The following ATR variants were observed in gnomAD, a reference collection of about 807,000 sequenced individuals.
The protein encoded by ATR is serine/threonine-protein kinase ATR.
In ATR, 142 loss-of-function variants were observed where a neutral mutation model predicts 305.3. That is an observed-to-expected ratio of 0.47 (90% CI 0.41 to 0.53). The LOEUF (loss-of-function observed/expected upper bound fraction) is 0.53. ATR is among the 20% of genes least tolerant of loss of function. The probability of loss-of-function intolerance (pLI) is 0.00; values close to 1 mark genes in which losing one functional copy is unlikely to be tolerated. For missense variants in ATR, 2,135 were observed against 3,133.1 expected, an observed-to-expected ratio of 0.68 and a Z score of 7.60; for synonymous variants, 1,050 against 1,068.1, an observed-to-expected ratio of 0.98 and a Z score of 0.33.
At position 142,465,191 on chromosome 3, in the gene ATR, C is replaced by A; in HGVS notation, c.6947G>T (p.Gly2316Val). 1 of 1,609,760 alleles carries A rather than the reference C, an allele frequency of 6.2e-7. No individual in the cohort carries two copies. Among genetic ancestry groups the A allele is most frequent in the East Asian group, 2.2e-5 (1 of 44,648 alleles). The part of the protein sequence containing the change: ...LQKPKKISLK[G>V]SDGKFYIMMC... ...CATGATGTAGAACTTTCCATCTGAG[C>A]CTTTTAAAGAAATCTTCTTTGGTTT... is the stretch of plus-strand genomic sequence containing the variant. Residue 2316 changes from glycine to valine, a missense_variant, in exon 41 of 47, where the codon GGC becomes GTC. Gly to Val is a moderately radical substitution (Grantham distance 109, BLOSUM62 -3). Coordinates refer to ENST00000350721, the MANE Select transcript of ATR (RefSeq NM_001184.4).
chr3:142,573,385 T>C (rs1032706275), intron 1 of ATR, among the ~76,000 whole-genome samples: 3 of 137,014 alleles, frequency 2.2e-5, no homozygotes, highest in Admixed American at 8.3e-5. Flanking sequence ...GACATGGAGG[T>C]GGAGGTTGCA....
Position 142,488,471 on chromosome 3 carries a change from C to T in ATR, c.6079-3189G>A, listed in dbSNP as rs77147770. Among the ~76,000 whole-genome samples, 87 of 152,254 alleles carry T rather than the reference C, an allele frequency of 5.7e-4. 1 individual carries two copies. The East Asian group carries it at 0.016, about 28-fold the overall frequency. On this transcript the variant is annotated intron_variant, in intron 35 of 46. Coordinates refer to ENST00000350721, the MANE Select transcript of ATR (RefSeq NM_001184.4). ...AGAGCATCTCAGATAGATTGGAGGT[C>T]ACTAAGGAGATATGACAACTAATGC...
At chr3:142,457,334 T>C (rs2070928816) in intron 45 of ATR, among the ~76,000 whole-genome samples, 1 of 152,132 alleles carries the variant, frequency 6.6e-6, no homozygotes, top group African/African-American at 2.4e-5. Flanking sequence ...TGCTAATGCC[T>C]ACGGAATTTC....
intron 1 of ATR, 117 bp downstream of exon 1, chr3:142,578,529 C>A (rs2035514390): frequency 1.6e-6 from 2 of 1,221,300 alleles, no homozygotes; most frequent in Admixed American, 5.1e-5. Flanking sequence ...TCCACAAGGG[C>A]CGCAGCGGGG....
At chr3:142,551,931 G>A (rs1047184907) in intron 13 of ATR, among the ~76,000 whole-genome samples, 1 of 152,020 alleles carries the variant, frequency 6.6e-6, no homozygotes, top group Non-Finnish European at 1.5e-5. Context: ...ATCTGACAGA[G>A]GTCTAATATC....
At chr3:142,523,000 C>T (rs2033211827) in intron 22 of ATR, among the ~76,000 whole-genome samples, 159 bp from the exon 23 acceptor site, 2 of 152,212 alleles carry the variant, frequency 1.3e-5, no homozygotes, top group Admixed American at 1.3e-4. Context: ...GGTATCAAGA[C>T]TACAATATAA....
chr3:142,517,363 AAC>A, intron 24 of ATR, among the ~76,000 whole-genome samples: 1 of 151,712 alleles, frequency 6.6e-6, no homozygotes, highest in East Asian at 1.9e-4. Flanking sequence ...AAAAAAAAAA[AAC>A]ATAAAGTAGG....
chr3:142,483,313 G>A (rs1183711736), intron 36 of ATR, among the ~76,000 whole-genome samples: 1 of 150,912 alleles, frequency 6.6e-6, no homozygotes, highest in Non-Finnish European at 1.5e-5. Flanking sequence ...AGAATGTATG[G>A]AATGATATTG....
At chr3:142,496,845 T>C (rs1304013298) in intron 33 of ATR, among the ~76,000 whole-genome samples, 168 bp downstream of exon 33, 1 of 152,178 alleles carries the variant, frequency 6.6e-6, no homozygotes, top group Non-Finnish European at 1.5e-5. Flanking sequence ...TGTCTAAAAG[T>C]GATTCTTAAG....
chr3:142,478,885 T>A (rs1187295905), intron 36 of ATR, among the ~76,000 whole-genome samples: 1 of 152,182 alleles, frequency 6.6e-6, no homozygotes, highest in Non-Finnish European at 1.5e-5. Context: ...GTTTAAAGTC[T>A]GTTTTATCAG....
At position 142,562,239 on chromosome 3, in the gene ATR, T is replaced by C; in HGVS notation, c.1163A>G (p.Asp388Gly). Residue 388 changes from aspartate (D) to glycine (G), a missense_variant, in exon 4 of 47, where the codon GAT becomes GGT. By Grantham distance (94) the Asp-to-Gly change is moderately conservative (BLOSUM62 -1). Around this residue, in one of 9 missense-constraint regions of ATR, gnomAD observed 744 missense variants for 873.2 expected, o/e 0.85. Coordinates refer to ENST00000350721, the MANE Select transcript of ATR (RefSeq NM_001184.4). ...ACCTGAAAAATTACTTACCTCTGCA[T>C]CTACCTCAATTCCAAGCACATCCAA... is the stretch of plus-strand genomic sequence containing the variant. Reference protein sequence around the residue: ...ALLDVLGIEVDAEYLLGPLYA... With the variant: ...ALLDVLGIEVGAEYLLGPLYA... The C allele has an allele frequency of 2.5e-6, 4 of 1,614,086 alleles. No individual in the cohort carries two copies. Among genetic ancestry groups the C allele is most frequent in the Non-Finnish European group, 3.4e-6 (4 of 1,179,962 alleles).
chr3:142,552,526 C>T (rs1243452165), intron 13 of ATR, among the ~76,000 whole-genome samples: 1 of 151,796 alleles, frequency 6.6e-6, no homozygotes, highest in Non-Finnish European at 1.5e-5. Flanking sequence ...AAAAATTAGC[C>T]AGGCATGGTG....
At chr3:142,563,248 A>G (rs1304971196) in intron 3 of ATR, 139 bp from the exon 4 acceptor site, 19 of 911,074 alleles carry the variant, frequency 2.1e-5, no homozygotes, top group Middle Eastern at 3.5e-4. Flanking sequence ...CAATGGAAAC[A>G]TAATAGTTTA....
intron 46 of ATR, chr3:142,452,143 G>C (rs1437261336): frequency 2.0e-6 from 2 of 1,017,848 alleles, no homozygotes; most frequent in Non-Finnish European, 2.4e-6. Flanking sequence ...AAGACAAAGG[G>C]TTAAGGATGA....
intron 30 of ATR, among the ~76,000 whole-genome samples, chr3:142,500,636 A>G (rs2031910585): frequency 1.3e-5 from 2 of 152,326 alleles, no homozygotes; most frequent in African/African-American, 2.4e-5. Context: ...GTAAAAACAC[A>G]TAAAGAAAAG....
intron 46 of ATR, chr3:142,451,718 T>A: frequency 8.5e-7 from 1 of 1,179,382 alleles, no homozygotes; most frequent in South Asian, 1.7e-5. Flanking sequence ...TAGCTGGGAC[T>A]ACAGGAGTGT....
chr3:142,570,383 T>G (rs965770554), intron 1 of ATR, among the ~76,000 whole-genome samples: 2 of 152,130 alleles, frequency 1.3e-5, no homozygotes, highest in African/African-American at 4.8e-5. Context: ...TCCCTTATTT[T>G]TATTTATTTA....
At chr3:142,477,565 T>G (rs2029969885) in intron 36 of ATR, among the ~76,000 whole-genome samples, 1 of 152,230 alleles carries the variant, frequency 6.6e-6, no homozygotes, top group Non-Finnish European at 1.5e-5. Context: ...TTTTTTGTTG[T>G]GTCTCTGCCA....
In ATR at chr3:142,541,175, C is replaced by A. The variant is rs1257290957; in HGVS notation, c.3451-141G>T. 6.1e-6 allele frequency: 7 copies of A among 1,149,004 alleles called. No individual in the cohort carries two copies. The East Asian group carries it at 1.8e-4, about 29-fold the overall frequency. The allele number at this position is 1,149,004 out of a possible 1,614,324, so 71.2% of individuals were successfully genotyped here. A position where few individuals can be genotyped will look rare whatever the true frequency, so the allele number is the denominator to read the frequency against. On this transcript the variant is annotated intron_variant, in intron 17 of 46. Coordinates refer to ENST00000350721, the MANE Select transcript of ATR (RefSeq NM_001184.4). ...ATACAAAAGATTGAATAAATGTTGG[C>A]CAGTTTGTTTTGTCCAATTGCTTAT...
Sources: gnomAD v4.1 joint callset for allele counts (sites outside exome capture counted in the v4.1 genomes callset) on GRCh38, gnomAD v4.1.1 for gene constraint, gnomAD v4.1.1 regional missense constraint, MANE v1.5 for transcripts, NCBI Gene and HGNC (gene_info 2026-07-23, HGNC 2026-07-21) for gene names.